Variants in VAV1 observed in about 807,000 individuals in gnomAD.
The protein encoded by VAV1 is vav guanine nucleotide exchange factor 1.
VAV1 carries 33 observed loss-of-function variants against 128.1 expected under a neutral mutation model. The ratio of observed to expected loss-of-function variants is 0.26; its 90% CI spans 0.20 to 0.34. The LOEUF is 0.34. Among genes scored for constraint, VAV1 ranks in the 10% least tolerant of loss-of-function variants. VAV1 has a pLI of 1.00. For synonymous variants in VAV1, 394 were observed against 409.8 expected (o/e 0.96, Z 0.47); for missense variants, 715 against 1,093.7 (o/e 0.65, Z 4.88).
chr19:6,857,157 C>G lies in VAV1; in HGVS notation c.*50C>G, dbSNP rs754518416. The G allele has an allele frequency of 6.2e-7, 1 of 1,611,426 alleles. No homozygotes were observed. Among genetic ancestry groups the G allele is most frequent in the Non-Finnish European group, 8.5e-7 (1 of 1,179,156 alleles). On this transcript the variant is annotated 3_prime_UTR_variant, in exon 27 of 27. Coordinates refer to ENST00000602142, the MANE Select transcript of VAV1 (RefSeq NM_005428.4). ...GAGAAACTCCAGGCTCTGAGCCCGGCGTGGGCAGGCAGCGGAGCCAGGGGC... is the reference window on the plus strand; with the variant it reads ...GAGAAACTCCAGGCTCTGAGCCCGGGGTGGGCAGGCAGCGGAGCCAGGGGC...
At position 6,824,967 on chromosome 19, in the gene VAV1, C is replaced by T. The variant is rs1017951714; in HGVS notation, c.655-86C>T. 232 of 1,392,248 alleles carry T rather than the reference C, an allele frequency of 1.7e-4. No individual in the cohort carries two copies. In the African/African-American group the frequency reaches 3.0e-3, roughly 18 times the overall value. 86.2% of individuals were successfully genotyped at this position (1,392,248 alleles called of 1,614,324 possible). A position where few individuals can be genotyped will look rare whatever the true frequency, so the allele number is the denominator to read the frequency against. ...ACGCGCTGCCTCTCTTTATCTCCCT[C>T]TCTCTGTCTCCTTCCCCTGTCTCTC... On this transcript the variant is annotated intron_variant, in intron 6 of 26. Transcript: ENST00000602142.
intron 14 of VAV1, among the ~76,000 whole-genome samples, chr19:6,830,147 C>G (rs1177034783): frequency 6.6e-6 from 1 of 152,212 alleles, no homozygotes; most frequent in Non-Finnish European, 1.5e-5. Context: ...CAACCTCCGC[C>G]TCCTGGGTTC....
chr19:6,835,187 A>G (rs1972189710), intron 19 of VAV1, among the ~76,000 whole-genome samples: 1 of 143,760 alleles, frequency 7.0e-6, no homozygotes, highest in Middle Eastern at 3.2e-3. Context: ...GTACAATAGA[A>G]TATATATATG....
chr19:6,838,403 C>G, intron 21 of VAV1, among the ~76,000 whole-genome samples: 1 of 148,888 alleles, frequency 6.7e-6, no homozygotes, highest in East Asian at 1.9e-4. Flanking sequence ...ATCCATCCAT[C>G]CATCCATCCA....
intron 1 of VAV1, among the ~76,000 whole-genome samples, chr19:6,780,121 T>TAA (rs1970738105): frequency 1.1e-5 from 1 of 87,930 alleles, no homozygotes; most frequent in African/African-American, 4.0e-5. Flanking sequence ...AAAATAATAA[T>TAA]AATAATAATA....
At chr19:6,829,194 A>G (rs1424822710) in intron 13 of VAV1, among the ~76,000 whole-genome samples, 1 of 149,468 alleles carries the variant, frequency 6.7e-6, no homozygotes, top group Non-Finnish European at 1.5e-5. Flanking sequence ...GAGTCAACAC[A>G]GATCTGGGTG....
At chr19:6,800,466 C>T (rs577044253) in intron 1 of VAV1, among the ~76,000 whole-genome samples, 1 of 151,758 alleles carries the variant, frequency 6.6e-6, no homozygotes, top group African/African-American at 2.4e-5. Context: ...TGTTCCACCA[C>T]ACCCAGCTAA....
chr19:6,821,720 C>G (rs1971789527), intron 3 of VAV1, 40 bp downstream of exon 3: 1 of 1,613,854 alleles, frequency 6.2e-7, no homozygotes, highest in Admixed American at 1.7e-5. Context: ...TAGCCCCAGT[C>G]CTCCCCCTCC....
chr19:6,780,415 C>G (rs2144693289), intron 1 of VAV1, among the ~76,000 whole-genome samples: 1 of 150,508 alleles, frequency 6.6e-6, no homozygotes, highest in South Asian at 2.1e-4. Flanking sequence ...GTGTGAACAT[C>G]AGAGTACATT....
intron 1 of VAV1, among the ~76,000 whole-genome samples, chr19:6,810,705 C>CA (rs111621825): frequency 0.018 from 2,599 of 144,052 alleles, 46 homozygotes; most frequent in Middle Eastern, 0.068. Context: ...AACGTTATCT[C>CA]AAAAAAAAAA....
chr19:6,806,608 G>A (rs1026991640), intron 1 of VAV1, among the ~76,000 whole-genome samples: 3 of 152,148 alleles, frequency 2.0e-5, no homozygotes, highest in African/African-American at 7.2e-5. Flanking sequence ...CCTCACTCTT[G>A]ACCAACACAG....
At chr19:6,841,385 T>C (rs1381885930) in intron 21 of VAV1, among the ~76,000 whole-genome samples, 2 of 152,146 alleles carry the variant, frequency 1.3e-5, no homozygotes, top group East Asian at 3.8e-4. Context: ...TCAATTCCTT[T>C]GGGTATATAC....
intron 22 of VAV1, among the ~76,000 whole-genome samples, chr19:6,846,497 A>G (rs1040069424): frequency 3.3e-5 from 5 of 151,284 alleles, no homozygotes; most frequent in Admixed American, 2.6e-4. Context: ...CTGAGGCAGG[A>G]GAATTGCTTG....
chr19:6,803,057 G>C (rs925185481), intron 1 of VAV1, among the ~76,000 whole-genome samples: 1 of 152,174 alleles, frequency 6.6e-6, no homozygotes, highest in African/African-American at 2.4e-5. Flanking sequence ...TGCGATGTAG[G>C]GCAAGGCAAG....
At chr19:6,775,138 T>TC (rs1568278390) in intron 1 of VAV1, among the ~76,000 whole-genome samples, 2 of 151,856 alleles carry the variant, frequency 1.3e-5, no homozygotes, top group South Asian at 2.1e-4. Context: ...GAGAAGGCAC[T>TC]CCCCCCACCA....
chr19:6,812,051 T>A (rs1039283132), intron 1 of VAV1, among the ~76,000 whole-genome samples: 3 of 152,184 alleles, frequency 2.0e-5, no homozygotes, highest in Non-Finnish European at 4.4e-5. Flanking sequence ...TGACAAATGC[T>A]CCTATTCTAT....
intron 23 of VAV1, among the ~76,000 whole-genome samples, 171 bp downstream of exon 23, chr19:6,848,285 C>T (rs1046836212): frequency 2.6e-5 from 4 of 152,094 alleles, no homozygotes; most frequent in East Asian, 1.9e-4. Context: ...TTTTAATTGA[C>T]GACCACAAGA....
chr19:6,822,141 A>C lies in VAV1; in HGVS notation c.450-80A>C. The C allele has an allele frequency of 1.4e-6, 2 of 1,404,308 alleles. No individual in the cohort carries two copies. Among genetic ancestry groups the C allele is most frequent in the Admixed American group, 2.0e-5 (1 of 49,798 alleles). 87.0% of individuals were successfully genotyped at this position (1,404,308 alleles called of 1,614,324 possible). ...CCCACCCTTGGAGTCTTGGGGGGAC[A>C]AAGCCCTGCGCTGGGGTCTGCGGGG... On this transcript the variant is annotated intron_variant, in intron 4 of 26. Transcript: ENST00000602142. The surrounding 1 kb of genome is among the most constrained non-coding windows in gnomAD (Gnocchi z 5.9).
intron 1 of VAV1, among the ~76,000 whole-genome samples, chr19:6,795,608 C>T (rs1224683507): frequency 6.6e-6 from 1 of 152,066 alleles, no homozygotes; most frequent in Admixed American, 6.6e-5. Flanking sequence ...TTACTATGTC[C>T]TGGCACAGGG....
Sources: allele counts gnomAD v4.1 joint callset (sites outside exome capture counted in the v4.1 genomes callset), GRCh38; gene constraint gnomAD v4.1.1; non-coding constraint Gnocchi (gnomAD v3.1); transcripts MANE v1.5; gene names NCBI Gene and HGNC (gene_info 2026-07-23, HGNC 2026-07-21).